Variants in IL1RAPL1 observed in about 807,000 individuals in gnomAD.
IL1RAPL1 encodes the protein interleukin-1 receptor accessory protein-like 1.
A neutral mutation model predicts 48.4 loss-of-function variants in IL1RAPL1; 3 were observed. The ratio of observed to expected loss-of-function variants is 0.06; its 90% CI spans 0.03 to 0.16. IL1RAPL1 has a LOEUF of 0.16. IL1RAPL1 is among the 10% of genes least tolerant of loss of function. The pLI is 1.00. For synonymous variants in IL1RAPL1, 185 were observed against 187.7 expected (o/e 0.99, Z 0.12); for missense variants, 349 against 530.6 (o/e 0.66, Z 3.36).
At chrX:29,717,426 G>T (rs1927514935) in intron 6 of IL1RAPL1, among the ~76,000 whole-genome samples, 1 of 112,226 alleles carries the variant, frequency 8.9e-6, no homozygotes, top group Admixed American at 9.5e-5. Context: ...TGGGAATGAG[G>T]TTAGAAAAAT....
At chrX:29,496,580 C>T (rs181349874) in intron 5 of IL1RAPL1, among the ~76,000 whole-genome samples, 1,277 of 107,549 alleles carry the variant, frequency 0.012, 18 homozygotes, top group African/African-American at 0.041. Flanking sequence ...GCCAGCACCA[C>T]GCTCCCTGTA....
intron 2 of IL1RAPL1, among the ~76,000 whole-genome samples, chrX:29,182,614 C>T (rs1290448459): frequency 9.3e-6 from 1 of 107,564 alleles, no homozygotes; most frequent in Non-Finnish European, 1.9e-5. Context: ...TCTAAAGAGG[C>T]ATCCCAAAGT....
intron 5 of IL1RAPL1, among the ~76,000 whole-genome samples, chrX:29,632,077 C>T (rs1924792374): frequency 9.0e-6 from 1 of 111,073 alleles, no homozygotes; most frequent in African/African-American, 3.3e-5. Flanking sequence ...TCTTCCCATT[C>T]AATCTCAAAA....
chrX:29,407,425 G>C (rs898497030), intron 5 of IL1RAPL1, among the ~76,000 whole-genome samples: 1 of 111,931 alleles, frequency 8.9e-6, no homozygotes, highest in Middle Eastern at 4.2e-3. Context: ...TCCAAATTTT[G>C]TTTCAAATAT....
chrX:29,365,282 C>G (rs1933435863), intron 3 of IL1RAPL1, among the ~76,000 whole-genome samples: 1 of 111,666 alleles, frequency 9.0e-6, no homozygotes, highest in African/African-American at 3.3e-5. Flanking sequence ...GGTCAGAGCC[C>G]TAGATTTGTG....
intron 6 of IL1RAPL1, among the ~76,000 whole-genome samples, chrX:29,741,867 G>C (rs759386120): frequency 1.0e-5 from 1 of 96,480 alleles, no homozygotes; most frequent in South Asian, 6.1e-4. Flanking sequence ...GAAGGTTGCA[G>C]TAGGCTGAGA....
chrX:29,171,480 A>T (rs1383978046), intron 2 of IL1RAPL1, among the ~76,000 whole-genome samples: 1 of 111,655 alleles, frequency 9.0e-6, no homozygotes, highest in Non-Finnish European at 1.9e-5. Context: ...TTCAAACATG[A>T]GTCATGTACC....
At chrX:28,722,466 G>A (rs1432668545) in intron 1 of IL1RAPL1, among the ~76,000 whole-genome samples, 1 of 111,795 alleles carries the variant, frequency 8.9e-6, no homozygotes, top group Non-Finnish European at 1.9e-5. Flanking sequence ...TGCTGAAGTT[G>A]CTTATCAGCT....
rs113361463 is a variant in IL1RAPL1 at position 29,625,152 on chromosome X, T to C, written c.704-43278T>C. Among the ~76,000 whole-genome samples, 594 of 112,068 alleles carry C rather than the reference T, an allele frequency of 5.3e-3. 2 individuals are homozygous for C. The highest frequency in any genetic ancestry group is 0.018 in the African/African-American group (558 of 30,884). On this transcript the variant is annotated intron_variant, in intron 5 of 10. Coordinates refer to ENST00000378993, the MANE Select transcript of IL1RAPL1 (RefSeq NM_014271.4). ...TAAATAAGGATGGGCCATAGTTTGT[T>C]GACCCCTGCCCTAATAAATTCATTG...
At chrX:29,484,342 C>CCTATAA (rs1423893200) in intron 5 of IL1RAPL1, among the ~76,000 whole-genome samples, 1 of 111,370 alleles carries the variant, frequency 9.0e-6, no homozygotes, top group Non-Finnish European at 1.9e-5. Flanking sequence ...ATAAAGCCAC[C>CCTATAA]AGTCCCATCA....
chrX:28,877,143 G>A (rs751093251), intron 2 of IL1RAPL1, among the ~76,000 whole-genome samples: 3 of 112,367 alleles, frequency 2.7e-5, no homozygotes, highest in African/African-American at 6.5e-5. Flanking sequence ...AGGAGGTTTA[G>A]GGTGAGGCCC....
intron 1 of IL1RAPL1, among the ~76,000 whole-genome samples, chrX:28,764,995 C>G (rs12398247): frequency 0.3 from 33,138 of 109,509 alleles, 4,064 homozygotes; most frequent in Admixed American, 0.42. Context: ...GAGTTCATGT[C>G]CTTTGTAGGG....
At chrX:29,825,686 A>G (rs924604772) in intron 6 of IL1RAPL1, among the ~76,000 whole-genome samples, 1 of 111,928 alleles carries the variant, frequency 8.9e-6, no homozygotes, top group African/African-American at 3.2e-5. Context: ...TTTGATCACA[A>G]CTATTCAATG....
chrX:29,045,899 CCT>C (rs1926947087), intron 2 of IL1RAPL1, among the ~76,000 whole-genome samples: 1 of 81,558 alleles, frequency 1.2e-5, no homozygotes, highest in African/African-American at 3.7e-5. Flanking sequence ...TCCTCCTCCA[CCT>C]CCTCCTCCTC....
chrX:29,606,497 G>A (rs1923896980), intron 5 of IL1RAPL1, among the ~76,000 whole-genome samples: 2 of 111,861 alleles, frequency 1.8e-5, no homozygotes, highest in Admixed American at 9.5e-5. Context: ...TATTCTACTG[G>A]TCTATATTCT....
chrX:29,878,795 CT>C (rs1931962483), intron 6 of IL1RAPL1, among the ~76,000 whole-genome samples: 1 of 111,433 alleles, frequency 9.0e-6, no homozygotes, highest in Admixed American at 9.6e-5. Flanking sequence ...TTTATTTGTC[CT>C]TTTTGGTATT....
chrX:29,598,455 A>G (rs1357125230), intron 5 of IL1RAPL1, among the ~76,000 whole-genome samples: 3 of 111,927 alleles, frequency 2.7e-5, no homozygotes, highest in African/African-American at 6.5e-5. Flanking sequence ...TATGTGGTCT[A>G]TCTTGGAGAA....
At chrX:28,996,675 C>T (rs141695625) in intron 2 of IL1RAPL1, among the ~76,000 whole-genome samples, 5 of 110,479 alleles carry the variant, frequency 4.5e-5, no homozygotes, top group African/African-American at 6.6e-5. Flanking sequence ...TACCATTTTA[C>T]GTGTACAATT....
At chrX:28,963,891 G>A (rs970173405) in intron 2 of IL1RAPL1, among the ~76,000 whole-genome samples, 1 of 110,793 alleles carries the variant, frequency 9.0e-6, no homozygotes, top group Admixed American at 9.7e-5. Flanking sequence ...CCTTCTTGCA[G>A]AAACTTATTC....
Sources: gnomAD v4.1 joint callset for allele counts (sites outside exome capture counted in the v4.1 genomes callset) on GRCh38, gnomAD v4.1.1 for gene constraint, MANE v1.5 for transcripts, NCBI Gene and HGNC (gene_info 2026-07-23, HGNC 2026-07-21) for gene names.